Variants in CNTNAP2 observed in about 807,000 individuals in gnomAD.
CNTNAP2 encodes contactin associated protein 2, also known as contactin-associated protein-like 2.
A neutral mutation model predicts 155.2 loss-of-function variants in CNTNAP2; 98 were observed. That is an observed-to-expected ratio of 0.63 (90% confidence interval 0.54 to 0.75). The LOEUF (loss-of-function observed/expected upper bound fraction) is 0.75, where lower values mean the gene tolerates loss of function less well. CNTNAP2 is among the 30% of genes least tolerant of loss of function. CNTNAP2 has a pLI of 0.00. For missense variants in CNTNAP2, 1,727 were observed against 1,688.1 expected (o/e 1.02, Z -0.40); for synonymous variants, 651 against 631.2 (o/e 1.03, Z -0.47).
intron 12 of CNTNAP2, among the ~76,000 whole-genome samples, chr7:147,609,690 G>A (rs966467697): frequency 6.6e-6 from 1 of 152,006 alleles, no homozygotes; most frequent in Non-Finnish European, 1.5e-5. Flanking sequence ...ATCCTCTGAG[G>A]GTTTGATGAG....
At chr7:146,930,900 T>C (rs1212952689) in intron 3 of CNTNAP2, among the ~76,000 whole-genome samples, 2 of 152,136 alleles carry the variant, frequency 1.3e-5, no homozygotes, top group Admixed American at 6.5e-5. Context: ...CCTAAATATA[T>C]ATGCACCCAA....
intron 1 of CNTNAP2, among the ~76,000 whole-genome samples, chr7:146,768,690 G>C (rs1802242101): frequency 6.6e-6 from 1 of 151,970 alleles, no homozygotes; most frequent in Admixed American, 6.6e-5. Context: ...ATAAAAGTGA[G>C]GATGTTATTG....
At chr7:147,194,415 A>G (rs1363308035) in intron 8 of CNTNAP2, among the ~76,000 whole-genome samples, 1 of 152,164 alleles carries the variant, frequency 6.6e-6, no homozygotes, top group Non-Finnish European at 1.5e-5. Flanking sequence ...TCTTTATAGT[A>G]GAATGGTCTC....
At chr7:146,513,603 AT>A (rs1383871707) in intron 1 of CNTNAP2, among the ~76,000 whole-genome samples, 2 of 151,950 alleles carry the variant, frequency 1.3e-5, no homozygotes, top group Non-Finnish European at 2.9e-5. Flanking sequence ...CCCCCAGCAT[AT>A]TGACCTTTTT....
At chr7:147,029,471 C>T (rs1363048863) in intron 3 of CNTNAP2, among the ~76,000 whole-genome samples, 1 of 151,668 alleles carries the variant, frequency 6.6e-6, no homozygotes, top group Non-Finnish European at 1.5e-5. Context: ...TGAGCAAACA[C>T]CATCTATTAG....
intron 1 of CNTNAP2, among the ~76,000 whole-genome samples, chr7:146,192,128 A>T (rs1452322470): frequency 2.0e-5 from 3 of 152,278 alleles, no homozygotes; most frequent in African/African-American, 7.2e-5. Flanking sequence ...TGAAATCTTC[A>T]CAATTTATGT....
chr7:147,532,694 G>C (rs199944109), intron 11 of CNTNAP2, among the ~76,000 whole-genome samples: 1 of 152,206 alleles, frequency 6.6e-6, no homozygotes, highest in East Asian at 1.9e-4. Context: ...ACATGACTGA[G>C]GAGGCCTCAG....
At chr7:148,052,718 C>G (rs879837410) in intron 15 of CNTNAP2, among the ~76,000 whole-genome samples, 8 of 152,186 alleles carry the variant, frequency 5.3e-5, no homozygotes, top group Non-Finnish European at 1.0e-4. Flanking sequence ...TGGTTAAATA[C>G]ATTTAAGTTT....
At chr7:146,642,608 G>A (rs533908121) in intron 1 of CNTNAP2, among the ~76,000 whole-genome samples, 15 of 151,512 alleles carry the variant, frequency 9.9e-5, no homozygotes, top group African/African-American at 1.7e-4. Context: ...GAATAGTGCC[G>A]CAATAAACAT....
intron 13 of CNTNAP2, among the ~76,000 whole-genome samples, chr7:147,696,199 T>C (rs1796158911): frequency 6.6e-6 from 1 of 152,216 alleles, no homozygotes; most frequent in South Asian, 2.1e-4. Flanking sequence ...TGTAGTTCAA[T>C]TAATATCTAT....
intron 1 of CNTNAP2, among the ~76,000 whole-genome samples, chr7:146,343,454 G>A (rs1794765095): frequency 1.3e-5 from 2 of 151,956 alleles, no homozygotes; most frequent in South Asian, 4.1e-4. Context: ...TGCTGCAATG[G>A]CCTTCAATAC....
intron 16 of CNTNAP2, among the ~76,000 whole-genome samples, chr7:148,134,549 T>C (rs1804898052): frequency 1.3e-5 from 2 of 152,220 alleles, no homozygotes; most frequent in South Asian, 2.1e-4. Context: ...TAAAAAAATC[T>C]TCTCAAGTTT....
chr7:146,600,023 A>G (rs1798926131), intron 1 of CNTNAP2, among the ~76,000 whole-genome samples: 1 of 152,124 alleles, frequency 6.6e-6, no homozygotes, highest in African/African-American at 2.4e-5. Flanking sequence ...CTTAAGGGTT[A>G]GTCTAACATT....
intron 1 of CNTNAP2, among the ~76,000 whole-genome samples, chr7:146,644,748 C>A (rs1563169931): frequency 1.3e-5 from 2 of 152,106 alleles, no homozygotes; most frequent in Non-Finnish European, 2.9e-5. Context: ...GGATAAATTC[C>A]TCGACACATA....
intron 1 of CNTNAP2, among the ~76,000 whole-genome samples, chr7:146,570,654 A>G (rs1357832430): frequency 6.6e-6 from 1 of 152,102 alleles, no homozygotes; most frequent in South Asian, 2.1e-4. Context: ...CCTATATGAA[A>G]TTGTCTATAT....
chr7:147,621,933 G>A (rs1279772898), intron 12 of CNTNAP2, among the ~76,000 whole-genome samples: 1 of 151,674 alleles, frequency 6.6e-6, no homozygotes, highest in East Asian at 1.9e-4. Flanking sequence ...TAAAGGGATG[G>A]AAAAAGATAT....
chr7:146,791,513 C>T (rs186172852), intron 2 of CNTNAP2, among the ~76,000 whole-genome samples: 7 of 152,246 alleles, frequency 4.6e-5, no homozygotes, highest in African/African-American at 1.7e-4. Flanking sequence ...CCAGAGATGC[C>T]AATCAGAACT....
chr7:146,378,456 G>T (rs1472510679), intron 1 of CNTNAP2, among the ~76,000 whole-genome samples: 2 of 152,064 alleles, frequency 1.3e-5, no homozygotes, highest in African/African-American at 4.8e-5. Flanking sequence ...TTTGCTCTTT[G>T]CTTGGAGCTA....
At chr7:146,800,388 G>A (rs115958405) in intron 2 of CNTNAP2, among the ~76,000 whole-genome samples, 242 of 152,296 alleles carry the variant, frequency 1.6e-3, no homozygotes, top group African/African-American at 5.1e-3. Context: ...AGACCAGCTG[G>A]CTCTGACCCT....
Sources: gnomAD v4.1 joint callset for allele counts (sites outside exome capture counted in the v4.1 genomes callset) on GRCh38, gnomAD v4.1.1 for gene constraint, MANE v1.5 for transcripts, NCBI Gene and HGNC (gene_info 2026-07-23, HGNC 2026-07-21) for gene names.